Variants in RRAGC observed in about 807,000 individuals in gnomAD.
RRAGC encodes ras-related GTP-binding protein C.
RRAGC carries 8 observed loss-of-function variants against 37.1 expected under a neutral mutation model. The ratio of observed to expected loss-of-function variants is 0.22; its 90% CI spans 0.13 to 0.39. The LOEUF (loss-of-function observed/expected upper bound fraction) is 0.39. Ranked by LOEUF, RRAGC falls within the 10% of genes least tolerant of loss-of-function variation. The pLI is 1.00. For missense variants in RRAGC, 342 were observed against 497.6 expected (o/e 0.69, Z 2.98); for synonymous variants, 190 against 181.1 (o/e 1.05, Z -0.39).
rs963490289 is a variant in RRAGC at position 38,839,623 on chromosome 1, C to T, written c.1130G>A (p.Cys377Tyr). 3 of 1,614,058 alleles carry T rather than the reference C, an allele frequency of 1.9e-6. No individual in the cohort carries two copies. The highest frequency in any genetic ancestry group is 2.7e-5 in the African/African-American group (2 of 74,920). ...FEVGVTSHRS[C>Y]GHQTSASSLK... The stretch of plus-strand genomic sequence containing the variant: ...ACTGGAGGCACTAGTCTGGTGACCA[C>T]AGCTCCTGTGAGAAGTCACACCCAC... The change falls in exon 7 of 7, where the codon TGT becomes TAT. Residue 377 changes from cysteine to tyrosine, a missense_variant. By Grantham distance (194) the Cys-to-Tyr change is radical. Around this residue, in one of 3 missense-constraint regions of RRAGC, gnomAD observed 104 missense variants for 127.0 expected, o/e 0.82. Coordinates refer to ENST00000373001, the MANE Select transcript of RRAGC (RefSeq NM_022157.4).
chr1:38,857,150 G>T, intron 1 of RRAGC, 68 bp from the exon 2 acceptor site: 1 of 1,289,100 alleles, frequency 7.8e-7, no homozygotes, highest in South Asian at 1.3e-5. Flanking sequence ...ATTCCACCCT[G>T]GTTTAACATT....
rs1042021903 is a variant in RRAGC at position 38,859,716 on chromosome 1, G to A, written c.-70C>T. 9.1e-6 allele frequency: 11 copies of A among 1,206,754 alleles called. No homozygotes were observed. The highest frequency in any genetic ancestry group is 8.4e-6 in the Non-Finnish European group (8 of 956,930). The allele number at this position is 1,206,754 out of a possible 1,614,324, so 74.8% of individuals were successfully genotyped here. On this transcript the variant is annotated 5_prime_UTR_variant, in exon 1 of 7. Coordinates refer to ENST00000373001, the MANE Select transcript of RRAGC (RefSeq NM_022157.4). ...GCCGAGCCAGGCCGCCGCCTCCCCA[G>A]TCCGCCTCCGCCGCCGCCGCCACCA...
intron 5 of RRAGC, among the ~76,000 whole-genome samples, chr1:38,848,431 A>G (rs974771155): frequency 1.3e-5 from 2 of 152,196 alleles, no homozygotes; most frequent in Non-Finnish European, 2.9e-5. Flanking sequence ...AAAAAACTAT[A>G]AAGCTCCTAA....
rs1557586178 is a variant in RRAGC at position 38,849,974 on chromosome 1, C to CTTGA, written c.899+1640_899+1641insTCAA. ...GTAATCCCAGCGCTTTGGGAGGCCA[C>CTTGA]GGCGGGTGGATCACGAGGTCAGGAG... On this transcript the variant is annotated intron_variant, in intron 5 of 6. Coordinates refer to ENST00000373001, the MANE Select transcript of RRAGC (RefSeq NM_022157.4). 1.8e-3 allele frequency among the ~76,000 whole-genome samples: 262 copies of CTTGA among 149,510 alleles called. 1 individual carries two copies. The highest frequency in any genetic ancestry group is 6.0e-3 in the African/African-American group (246 of 40,688).
chr1:38,842,064 A>T (rs796114888), intron 6 of RRAGC, among the ~76,000 whole-genome samples: 2 of 152,160 alleles, frequency 1.3e-5, no homozygotes, highest in Non-Finnish European at 2.9e-5. Context: ...CGAGGTCAGG[A>T]GATCGAGACC....
chr1:38,856,562 TA>T, intron 2 of RRAGC: 1 of 198,716 alleles, frequency 5.0e-6, no homozygotes, highest in Non-Finnish European at 1.0e-5. Flanking sequence ...TGGGATGGGA[TA>T]TTTTCAGGGA....
chr1:38,858,580 C>A (rs1183501992), intron 1 of RRAGC, among the ~76,000 whole-genome samples: 1 of 152,192 alleles, frequency 6.6e-6, no homozygotes, highest in East Asian at 1.9e-4. Flanking sequence ...CGCCTGTAAT[C>A]CCAGCTATTC....
rs563588896 is a variant in RRAGC at position 38,840,134 on chromosome 1, C to T, written c.1049-430G>A. Among the ~76,000 whole-genome samples, 529 of 138,372 alleles carry T rather than the reference C, an allele frequency of 3.8e-3. 2 individuals carry two copies. The highest frequency in any genetic ancestry group is 6.8e-3 in the South Asian group (30 of 4,434). The allele number at this position is 138,372 out of a possible 152,430, so 90.8% of individuals were successfully genotyped here. ...TTGCATTCCAGCCTGGGTGACAGAG[C>T]GAGACTCCAACTCAAAAAAAAAAAA... On this transcript the variant is annotated intron_variant, in intron 6 of 6. Transcript: ENST00000373001.
Position 38,845,214 on chromosome 1 carries a change from C to T in RRAGC, c.1048+725G>A, listed in dbSNP as rs538722254. On this transcript the variant is annotated intron_variant, in intron 6 of 6. Transcript: ENST00000373001. ...AGCACTCTTCACAATAGCAAAGACTCGGAACCAACCCAAATGCCCATCAAT... is the reference window on the plus strand; with the variant it reads ...AGCACTCTTCACAATAGCAAAGACTTGGAACCAACCCAAATGCCCATCAAT... Among the ~76,000 whole-genome samples, 11 of 152,222 alleles carry T rather than the reference C, an allele frequency of 7.2e-5. No homozygotes were observed. The East Asian group carries it at 1.5e-3, about 21-fold the overall frequency.
chr1:38,841,603 G>A (rs12751382), intron 6 of RRAGC, among the ~76,000 whole-genome samples: 52,148 of 150,494 alleles, frequency 0.35, 10,482 homozygotes, highest in Non-Finnish European at 0.44. Context: ...GAGCTCAAGC[G>A]TCCTCCCACC....
intron 6 of RRAGC, among the ~76,000 whole-genome samples, chr1:38,845,384 C>G (rs896075836): frequency 6.6e-6 from 1 of 152,084 alleles, no homozygotes. Context: ...AACAAAAAAC[C>G]AAATACTGCA....
intron 5 of RRAGC, among the ~76,000 whole-genome samples, chr1:38,849,928 C>T (rs1028080604): frequency 6.6e-6 from 1 of 151,994 alleles, no homozygotes; most frequent in African/African-American, 2.4e-5. Context: ...TAAAACAAGC[C>T]AGGCATGGTG....
intron 5 of RRAGC, among the ~76,000 whole-genome samples, chr1:38,850,139 G>T (rs1570865879): frequency 1.3e-5 from 2 of 152,066 alleles, no homozygotes; most frequent in East Asian, 1.9e-4. Flanking sequence ...CCAGGAGGCG[G>T]AGATTGCAGT....
At chr1:38,845,820 T>C (rs1346124200) in intron 6 of RRAGC, 119 bp downstream of exon 6, 1 of 765,072 alleles carries the variant, frequency 1.3e-6, no homozygotes, top group Non-Finnish European at 2.0e-6. Flanking sequence ...CAGTTTGAGC[T>C]TTTTTTTTCT....
rs201785970 is a variant in RRAGC at position 38,851,575 on chromosome 1, C to T, written c.899+40G>A. 1.1e-3 allele frequency: 1,536 copies of T among 1,456,862 alleles called. 1 individual carries two copies. The highest frequency in any genetic ancestry group is 1.3e-3 in the Non-Finnish European group (1,471 of 1,105,818). 90.2% of individuals were successfully genotyped at this position (1,456,862 alleles called of 1,614,324 possible). ...TGAACAAATCAAGTTAATAGTTTTCCGCCTGTCTGAGATATTGCAGGAATA... is the reference window on the plus strand; with the variant it reads ...TGAACAAATCAAGTTAATAGTTTTCTGCCTGTCTGAGATATTGCAGGAATA... On this transcript the variant is annotated intron_variant, in intron 5 of 6. Transcript: ENST00000373001.
intron 6 of RRAGC, among the ~76,000 whole-genome samples, chr1:38,842,663 A>G (rs928096644): frequency 6.6e-6 from 1 of 152,252 alleles, no homozygotes; most frequent in Non-Finnish European, 1.5e-5. Flanking sequence ...TTCCACTCCT[A>G]AAGGCATACC....
At chr1:38,844,359 T>C (rs924678582) in intron 6 of RRAGC, among the ~76,000 whole-genome samples, 1 of 148,544 alleles carries the variant, frequency 6.7e-6, no homozygotes, top group Non-Finnish European at 1.5e-5. Flanking sequence ...TTCAATCACA[T>C]AGAGAAGATT....
chr1:38,840,322 C>T (rs1356485791), intron 6 of RRAGC, among the ~76,000 whole-genome samples: 1 of 152,126 alleles, frequency 6.6e-6, no homozygotes, highest in African/African-American at 2.4e-5. Flanking sequence ...TATTCAAATA[C>T]ACTGTGTGGC....
In RRAGC at chr1:38,859,710, T is replaced by A. The variant is rs983372405; in HGVS notation, c.-64A>T. 7 of 1,242,346 alleles carry A rather than the reference T, an allele frequency of 5.6e-6. No homozygotes were observed. Among genetic ancestry groups the A allele is most frequent in the African/African-American group, 3.2e-5 (2 of 61,646 alleles). The allele number at this position is 1,242,346 out of a possible 1,614,324, so 77.0% of individuals were successfully genotyped here. A position where few individuals can be genotyped will look rare whatever the true frequency, so the allele number is the denominator to read the frequency against. Reference sequence around the variant, plus strand: ...GGCCAGGCCGAGCCAGGCCGCCGCCTCCCCAGTCCGCCTCCGCCGCCGCCG... The same window carrying A: ...GGCCAGGCCGAGCCAGGCCGCCGCCACCCCAGTCCGCCTCCGCCGCCGCCG... On this transcript the variant is annotated 5_prime_UTR_variant, in exon 1 of 7. Coordinates refer to ENST00000373001, the MANE Select transcript of RRAGC (RefSeq NM_022157.4).
Sources: gnomAD v4.1 joint callset for allele counts (sites outside exome capture counted in the v4.1 genomes callset) on GRCh38, gnomAD v4.1.1 for gene constraint, gnomAD v4.1.1 regional missense constraint, MANE v1.5 for transcripts, NCBI Gene and HGNC (gene_info 2026-07-23, HGNC 2026-07-21) for gene names.